The following ADAMTSL1 variants were observed in gnomAD, a reference collection of about 807,000 sequenced individuals.
ADAMTSL1 encodes ADAMTS like 1.
Under a neutral mutation model 201.8 loss-of-function variants are expected in ADAMTSL1, and 126 were observed. The observed-to-expected ratio is 0.62, with a 90% CI of 0.54 to 0.72. The LOEUF is 0.72. Ranked by LOEUF, ADAMTSL1 falls within the 30% of genes least tolerant of loss-of-function variation. The pLI is 0.00. For synonymous variants in ADAMTSL1, 1,121 were observed against 903.4 expected, an observed-to-expected ratio of 1.24 and a Z score of -4.32; for missense variants, 2,679 against 2,277.8, an observed-to-expected ratio of 1.18 and a Z score of -3.59.
At chr9:18,660,259 A>G (rs1828994725) in intron 8 of ADAMTSL1, among the ~76,000 whole-genome samples, 1 of 152,240 alleles carries the variant, frequency 6.6e-6, no homozygotes, top group Admixed American at 6.5e-5. Flanking sequence ...TTTGAAATGT[A>G]CTGAAGTTAC....
chr9:18,445,057 A>T (rs1312616944), intron 2 of ADAMTSL1, among the ~76,000 whole-genome samples: 4 of 152,072 alleles, frequency 2.6e-5, no homozygotes, highest in Admixed American at 6.6e-5. Context: ...AGTCAGTTGA[A>T]CTCCAAAGCT....
intron 2 of ADAMTSL1, among the ~76,000 whole-genome samples, chr9:18,527,181 C>A (rs769969940): frequency 1.3e-5 from 2 of 152,176 alleles, no homozygotes; most frequent in Non-Finnish European, 2.9e-5. Flanking sequence ...CTTTAAAATT[C>A]TTTGCCATAA....
intron 2 of ADAMTSL1, among the ~76,000 whole-genome samples, chr9:18,278,458 G>T (rs1832667944): frequency 6.6e-6 from 1 of 152,098 alleles, no homozygotes; most frequent in South Asian, 2.1e-4. Context: ...TTTTCTTTCA[G>T]CACTTTGACT....
In ADAMTSL1 at chr9:18,668,264, CATGTATT is replaced by C. The variant is rs1256078948; in HGVS notation, c.1085+6194_1085+6200del. ...ACCCATAAAATCTCATTTCCACATT[CATGTATT>C]ATTCATAATGAGATAAATGATACAA... is the stretch of plus-strand genomic sequence containing the variant. On this transcript the variant is annotated intron_variant, in intron 9 of 28. Transcript: ENST00000380548. Among the ~76,000 whole-genome samples, 5 of 152,262 alleles carry C rather than the reference CATGTATT, an allele frequency of 3.3e-5. No homozygotes were observed. The East Asian group carries it at 9.6e-4, about 29-fold the overall frequency.
chr9:18,270,838 G>T (rs1392116218), intron 2 of ADAMTSL1, among the ~76,000 whole-genome samples: 1 of 152,158 alleles, frequency 6.6e-6, no homozygotes, highest in African/African-American at 2.4e-5. Flanking sequence ...AATATGAGTG[G>T]AAGTGATATA....
chr9:18,125,230 A>G (rs1825684226), intron 1 of ADAMTSL1, among the ~76,000 whole-genome samples: 1 of 152,168 alleles, frequency 6.6e-6, no homozygotes, highest in African/African-American at 2.4e-5. Flanking sequence ...CAGCAGGGAA[A>G]GAGAGAGCCT....
chr9:18,118,822 G>C (rs1564010170), intron 1 of ADAMTSL1, among the ~76,000 whole-genome samples: 1 of 152,140 alleles, frequency 6.6e-6, no homozygotes, highest in African/African-American at 2.4e-5. Flanking sequence ...TTGATTTGAA[G>C]GTAGCGCTAT....
intron 21 of ADAMTSL1, among the ~76,000 whole-genome samples, chr9:18,819,060 C>G (rs1824039990): frequency 6.6e-6 from 1 of 152,186 alleles, no homozygotes; most frequent in African/African-American, 2.4e-5. Flanking sequence ...CCCCTCAACA[C>G]ACACCTGATC....
chr9:18,316,453 A>T (rs1278047371), intron 2 of ADAMTSL1, among the ~76,000 whole-genome samples: 1 of 152,130 alleles, frequency 6.6e-6, no homozygotes, highest in Non-Finnish European at 1.5e-5. Flanking sequence ...CTATACCTCC[A>T]GGCGTGTATT....
chr9:18,584,196 T>C (rs1466638910), intron 4 of ADAMTSL1, among the ~76,000 whole-genome samples: 2 of 152,276 alleles, frequency 1.3e-5, no homozygotes, highest in East Asian at 1.9e-4. Context: ...GAGGATCCCA[T>C]TGGGAGGTGA....
chr9:18,263,999 T>G (rs1009943182), intron 2 of ADAMTSL1, among the ~76,000 whole-genome samples: 1 of 152,204 alleles, frequency 6.6e-6, no homozygotes, highest in African/African-American at 2.4e-5. Context: ...TTCCTGGACA[T>G]TTTAATTAAA....
At position 18,107,064 on chromosome 9, in the gene ADAMTSL1, C is replaced by T. The variant is rs528813266; in HGVS notation, c.88-56798C>T. 2.3e-3 allele frequency among the ~76,000 whole-genome samples: 355 copies of T among 152,258 alleles called. 2 individuals are homozygous for T. Among genetic ancestry groups the T allele is most frequent in the African/African-American group, 8.0e-3 (334 of 41,570 alleles). ...GGAATAGTCTTTCATTTTTATTCAT[C>T]GTTCTTCCCTGCTGTCTTTTCTTAT... On this transcript the variant is annotated intron_variant, in intron 1 of 29. Coordinates refer to the ADAMTSL1 transcript ENST00000680146.
chr9:18,519,374 G>A (rs562138681), intron 2 of ADAMTSL1, among the ~76,000 whole-genome samples: 3 of 152,234 alleles, frequency 2.0e-5, no homozygotes, highest in Non-Finnish European at 4.4e-5. Context: ...GGAAGCGAGG[G>A]CTGAATCGCA....
intron 2 of ADAMTSL1, among the ~76,000 whole-genome samples, chr9:18,171,819 C>A (rs912328636): frequency 6.6e-6 from 1 of 152,082 alleles, no homozygotes; most frequent in East Asian, 1.9e-4. Flanking sequence ...TTAGGTCTTA[C>A]GTTTAAGTCT....
chr9:18,474,074 ATCC>A, upstream of ADAMTSL1: 4 of 410,550 alleles, frequency 9.7e-6, no homozygotes, highest in East Asian at 5.2e-5. Context: ...CCCCCCACCC[ATCC>A]ACCCACCCAC....
intron 2 of ADAMTSL1, among the ~76,000 whole-genome samples, chr9:18,214,105 A>G (rs1216008270): frequency 3.3e-5 from 5 of 151,956 alleles, no homozygotes; most frequent in South Asian, 4.2e-4. Flanking sequence ...AACAAAGTCA[A>G]CTCTTAGTGA....
rs539853190 is a variant in ADAMTSL1 at position 18,338,835 on chromosome 9, C to T, written c.208-165994C>T. On this transcript the variant is annotated intron_variant, in intron 2 of 29. Coordinates refer to the ADAMTSL1 transcript ENST00000680146. ...GTTCCCTTCTTTGTGTCCATATGTA[C>T]TCAAAGTTTAGCTCCCACTTATAAG... is the stretch of plus-strand genomic sequence containing the variant. 2.0e-5 allele frequency among the ~76,000 whole-genome samples: 3 copies of T among 152,196 alleles called. No homozygotes were observed. The East Asian group carries it at 5.8e-4, about 29-fold the overall frequency.
intron 7 of ADAMTSL1, among the ~76,000 whole-genome samples, chr9:18,641,970 C>G (rs1827471617): frequency 6.6e-6 from 1 of 151,884 alleles, no homozygotes; most frequent in Non-Finnish European, 1.5e-5. Context: ...AGTCTCAAAC[C>G]AACCTCACCT....
Position 18,621,814 on chromosome 9 carries a change from G to T in ADAMTSL1, c.475-429G>T, listed in dbSNP as rs762881289. Among the ~76,000 whole-genome samples the T allele has an allele frequency of 3.3e-5, 5 of 152,090 alleles. No homozygotes were observed. In the South Asian group the frequency reaches 1.0e-3, roughly 32 times the overall value. ...GTTCTAACGAACCATGTGGAACATGGAGATCATTTATAAAATGTTTCCTGC... is the reference window on the plus strand; with the variant it reads ...GTTCTAACGAACCATGTGGAACATGTAGATCATTTATAAAATGTTTCCTGC... On this transcript the variant is annotated intron_variant, in intron 4 of 28. Transcript: ENST00000380548.
Sources: gnomAD v4.1 joint callset for allele counts (sites outside exome capture counted in the v4.1 genomes callset) on GRCh38, gnomAD v4.1.1 for gene constraint, MANE v1.5 for transcripts, NCBI Gene and HGNC (gene_info 2026-07-23, HGNC 2026-07-21) for gene names.